The following PDE4D variants were observed in gnomAD, a reference collection of about 807,000 sequenced individuals.
PDE4D encodes phosphodiesterase 4D.
PDE4D carries 24 observed loss-of-function variants against 87.4 expected under a neutral mutation model. The observed-to-expected ratio is 0.27, with a 90% CI of 0.20 to 0.39. The LOEUF (loss-of-function observed/expected upper bound fraction) is 0.39, where lower values mean the gene tolerates loss of function less well. PDE4D is among the 10% of genes least tolerant of loss of function. The pLI is 1.00. For synonymous variants in PDE4D, 384 were observed against 383.2 expected, an observed-to-expected ratio of 1.00 and a Z score of -0.02; for missense variants, 714 against 1,041.0, an observed-to-expected ratio of 0.69 and a Z score of 4.32.
At chr5:58,986,472 C>G (rs1746444546) in intron 11 of PDE4D, among the ~76,000 whole-genome samples, 1 of 151,694 alleles carries the variant, frequency 6.6e-6, no homozygotes, top group Non-Finnish European at 1.5e-5. Flanking sequence ...CTGGGCTGCA[C>G]AGCAGGAGGT....
chr5:59,999,324 A>G (rs1324767850), intron 2 of PDE4D, among the ~76,000 whole-genome samples: 1 of 152,090 alleles, frequency 6.6e-6, no homozygotes, highest in African/African-American at 2.4e-5. Flanking sequence ...TCAGAGCACT[A>G]ATGGAATCTA....
At chr5:59,889,735 G>A (rs9632393) in intron 1 of PDE4D, among the ~76,000 whole-genome samples, 7,599 of 152,178 alleles carry the variant, frequency 0.05, 317 homozygotes, top group South Asian at 0.079. Flanking sequence ...AAGACTATTG[G>A]TTGAAATGAT....
intron 5 of PDE4D, among the ~76,000 whole-genome samples, chr5:59,153,752 G>GT (rs34209888): frequency 0.47 from 69,704 of 148,684 alleles, 16,331 homozygotes; most frequent in Admixed American, 0.51. Flanking sequence ...GGTGGGCAGG[G>GT]TTTTTTTTTT....
At chr5:59,580,295 A>T (rs1442798294) in intron 1 of PDE4D, among the ~76,000 whole-genome samples, 1 of 152,168 alleles carries the variant, frequency 6.6e-6, no homozygotes, top group African/African-American at 2.4e-5. Flanking sequence ...CCTCATCTGC[A>T]AACAGGGATT....
At chr5:59,100,399 C>A (rs77823080) in intron 5 of PDE4D, among the ~76,000 whole-genome samples, 2 of 152,076 alleles carry the variant, frequency 1.3e-5, no homozygotes, top group African/African-American at 4.8e-5. Flanking sequence ...TTTCTTCTTT[C>A]GTTTATGGAG....
At chr5:60,263,514 C>T (rs1348970995) in intron 1 of PDE4D, among the ~76,000 whole-genome samples, 1 of 150,784 alleles carries the variant, frequency 6.6e-6, no homozygotes, top group Admixed American at 6.6e-5. Context: ...TTAAAACTAG[C>T]TCTACACAAC....
At position 59,912,114 on chromosome 5, in the gene PDE4D, T is replaced by C. The variant is rs368314436; in HGVS notation, c.272+76374A>G. 3.9e-5 allele frequency among the ~76,000 whole-genome samples: 6 copies of C among 152,326 alleles called. No homozygotes were observed. In the South Asian group the frequency reaches 1.0e-3, roughly 26 times the overall value. The stretch of plus-strand genomic sequence containing the variant: ...CAGTGTGAGTCTGAATGATAATTCC[T>C]ACATCAAAGGACTGTGGTAAGGATA... On this transcript the variant is annotated intron_variant, in intron 3 of 16. Coordinates refer to the PDE4D transcript ENST00000502484.
chr5:59,852,806 C>G (rs1447465797), intron 1 of PDE4D, among the ~76,000 whole-genome samples: 2 of 150,112 alleles, frequency 1.3e-5, no homozygotes, highest in Non-Finnish European at 3.0e-5. Flanking sequence ...CAGTTTGCAA[C>G]AGAAAAAGAG....
intron 1 of PDE4D, among the ~76,000 whole-genome samples, chr5:59,562,105 G>A (rs1820118598): frequency 6.6e-6 from 1 of 152,096 alleles, no homozygotes. Context: ...AATGCTTGAA[G>A]AATACAGAGA....
In PDE4D at chr5:60,394,996, C is replaced by A. The variant is rs565423051; in HGVS notation, c.-90+92946G>T. On this transcript the variant is annotated intron_variant, in intron 1 of 16. Transcript: ENST00000502484. ...TTCGCCTTCAGGGTAGTTCCAAGAG[C>A]TAATGTCTAAGGCTATACTAATACT... Among the ~76,000 whole-genome samples, 63 of 152,238 alleles carry A rather than the reference C, an allele frequency of 4.1e-4. 1 individual carries two copies. The highest frequency in any genetic ancestry group is 1.9e-4 in the Non-Finnish European group (13 of 68,032).
chr5:59,498,500 G>T (rs1057075506), intron 1 of PDE4D, among the ~76,000 whole-genome samples: 6 of 151,684 alleles, frequency 4.0e-5, no homozygotes, highest in African/African-American at 1.5e-4. Context: ...TGGCAAATTA[G>T]ACTAAAAACA....
chr5:59,513,403 GCATTA>G (rs1466120911), intron 1 of PDE4D, among the ~76,000 whole-genome samples: 1 of 152,134 alleles, frequency 6.6e-6, no homozygotes, highest in Non-Finnish European at 1.5e-5. Context: ...AAAAAATAAT[GCATTA>G]CATTAATTAT....
intron 1 of PDE4D, among the ~76,000 whole-genome samples, chr5:59,462,986 C>T (rs1035580732): frequency 6.6e-6 from 1 of 151,706 alleles, no homozygotes; most frequent in East Asian, 1.9e-4. Flanking sequence ...TCTATTTATT[C>T]CTGAATCCTT....
chr5:59,037,539 A>G (rs953545621), intron 6 of PDE4D, among the ~76,000 whole-genome samples: 7 of 152,224 alleles, frequency 4.6e-5, no homozygotes, highest in Non-Finnish European at 8.8e-5. Flanking sequence ...AGTCCCAGTA[A>G]GAGAGCAATA....
At chr5:59,591,746 A>G (rs1825951688) in intron 1 of PDE4D, among the ~76,000 whole-genome samples, 1 of 152,150 alleles carries the variant, frequency 6.6e-6, no homozygotes, top group African/African-American at 2.4e-5. Flanking sequence ...CCTGTATTCT[A>G]CATATTGGGT....
chr5:59,037,721 A>G (rs1364253609), intron 6 of PDE4D, among the ~76,000 whole-genome samples: 1 of 152,136 alleles, frequency 6.6e-6, no homozygotes, highest in Non-Finnish European at 1.5e-5. Context: ...TTTTCACTTG[A>G]CAATGCTACC....
At chr5:59,443,282 G>A (rs940471086) in intron 1 of PDE4D, among the ~76,000 whole-genome samples, 21 of 152,118 alleles carry the variant, frequency 1.4e-4, no homozygotes, top group Admixed American at 3.3e-4. Context: ...AATTGATTGC[G>A]TAGTTTCTAG....
chr5:59,962,929 C>A (rs531281950), intron 3 of PDE4D, among the ~76,000 whole-genome samples: 17 of 152,180 alleles, frequency 1.1e-4, no homozygotes, highest in African/African-American at 4.1e-4. Flanking sequence ...ATATCTGAAC[C>A]AGCTTCGGGC....
chr5:59,395,970 G>T (rs1247841448), intron 1 of PDE4D, among the ~76,000 whole-genome samples: 9 of 120,614 alleles, frequency 7.5e-5, no homozygotes, highest in Non-Finnish European at 1.4e-4. Flanking sequence ...TCAACTGGAA[G>T]AAAGGGTATC....
Sources: allele counts gnomAD v4.1 joint callset (sites outside exome capture counted in the v4.1 genomes callset), GRCh38; gene constraint gnomAD v4.1.1; transcripts MANE v1.5; gene names NCBI Gene and HGNC (gene_info 2026-07-23, HGNC 2026-07-21).